The following DOP1A variants were observed in gnomAD, a reference collection of about 807,000 sequenced individuals.
The protein encoded by DOP1A is DOP1 leucine zipper like protein A.
Under a neutral mutation model 267.6 loss-of-function variants are expected in DOP1A, and 90 were observed. The ratio of observed to expected loss-of-function variants is 0.34; its 90% CI spans 0.28 to 0.40. The LOEUF is 0.40. DOP1A is among the 10% of genes least tolerant of loss of function. The pLI, the probability that DOP1A is intolerant of heterozygous loss-of-function variation, is 1.00. For missense variants in DOP1A, 2,437 were observed against 2,900.4 expected (o/e 0.84, Z 3.67); for synonymous variants, 932 against 999.1 (o/e 0.93, Z 1.27).
intron 38 of DOP1A, chr6:83,167,311 T>A (rs1297819788): frequency 3.0e-6 from 3 of 985,480 alleles, no homozygotes; most frequent in Non-Finnish European, 3.6e-6. Flanking sequence ...GACAGCAGTG[T>A]CTCCTGAGGG....
intron 23 of DOP1A, among the ~76,000 whole-genome samples, 160 bp from the exon 24 acceptor site, chr6:83,141,759 CAT>C (rs924588261): frequency 6.6e-6 from 1 of 152,048 alleles, no homozygotes; most frequent in African/African-American, 2.4e-5. Flanking sequence ...GAATTATAGT[CAT>C]ATTGTAGCTC....
At position 83,168,216 on chromosome 6, in the gene DOP1A, A is replaced by AAC. The variant is rs755985334; in HGVS notation, c.*58_*59dup. 1.5e-5 allele frequency: 23 copies of AAC among 1,563,082 alleles called. No individual in the cohort carries two copies. Among genetic ancestry groups the AAC allele is most frequent in the Non-Finnish European group, 1.9e-5 (22 of 1,159,922 alleles). The stretch of plus-strand genomic sequence containing the variant: ...CTTACATGTAAATGTAATTATTTAA[A>AAC]ACACACACACTGCTCTGCGTTGTAT... On this transcript the variant is annotated 3_prime_UTR_variant, in exon 39 of 39. Transcript: ENST00000349129.
rs751128571 is a variant in DOP1A, at chr6:83,138,375, C to T, written c.4333C>T (p.His1445Tyr). ...FYSHIPVDSN[H>Y]NFRSSMYIEI... The stretch of plus-strand genomic sequence containing the variant: ...TAGTCACATTCCAGTGGACTCAAAT[C>T]ATAACTTCCGGAGTTCTATGTACAT... The change falls in exon 21 of 39, where the codon CAT becomes TAT. Residue 1445 changes from histidine to tyrosine, a missense_variant. Transcript: ENST00000349129. The T allele has an allele frequency of 1.2e-5, 19 of 1,610,850 alleles. No individual in the cohort carries two copies. The highest frequency in any genetic ancestry group is 1.6e-5 in the Non-Finnish European group (19 of 1,179,920).
At chr6:83,153,435 C>T (rs1782125169) in intron 30 of DOP1A, 76 bp from the exon 31 acceptor site, 1 of 894,378 alleles carries the variant, frequency 1.1e-6, no homozygotes, top group Admixed American at 2.8e-5. Flanking sequence ...GGTTTTCTAA[C>T]AAACTGAAAA....
chr6:83,152,336 A>G lies in DOP1A; in HGVS notation c.6098A>G (p.Tyr2033Cys), dbSNP rs767349458. 3 of 1,560,592 alleles carry G rather than the reference A, an allele frequency of 1.9e-6. No homozygotes were observed. Among genetic ancestry groups the G allele is most frequent in the Middle Eastern group, 1.7e-4 (1 of 5,938 alleles). The change falls in exon 30 of 39, where the codon TAT becomes TGT. Residue 2033 changes from tyrosine to cysteine, a missense_variant. Coordinates refer to ENST00000349129, the MANE Select transcript of DOP1A (RefSeq NM_015018.4). ...ACCGCAAACATAACTCCTTCTGTAT[A>G]TAGTGTCCATGCATTGACATTACTC... ...METANITPSV[Y>C]SVHALTLLSE...
intron 38 of DOP1A, chr6:83,166,673 T>C (rs948487532): frequency 1.6e-6 from 2 of 1,269,664 alleles, no homozygotes; most frequent in African/African-American, 3.1e-5. Flanking sequence ...CAATTACGTT[T>C]GCACCAACCT....
At chr6:83,079,951 ATCATTATTC>A in intron 1 of DOP1A, among the ~76,000 whole-genome samples, 1 of 152,260 alleles carries the variant, frequency 6.6e-6, no homozygotes, top group East Asian at 1.9e-4. Flanking sequence ...ATTCATTTTT[ATCATTATTC>A]TCATGTCTTA....
rs985269079 is a variant in DOP1A at position 83,129,020 on chromosome 6, G to C, written c.1853G>C (p.Arg618Thr). The change falls in exon 16 of 39, where the codon AGA becomes ACA. Residue 618 changes from arginine to threonine, a missense_variant. Transcript: ENST00000349129. Reference sequence around the variant, plus strand: ...GCAGACCGAACTGATGATATTGACAGAGAACTGAGTGAGGGCCAGGGGGCA... The same window carrying C: ...GCAGACCGAACTGATGATATTGACACAGAACTGAGTGAGGGCCAGGGGGCA... ...YQADRTDDIDRELSEGQGAAA... is the reference protein window; with the variant it reads ...YQADRTDDIDTELSEGQGAAA... 3 of 1,613,738 alleles carry C rather than the reference G, an allele frequency of 1.9e-6. No homozygotes were observed. The African/African-American group carries it at 4.0e-5, about 22-fold the overall frequency.
intron 18 of DOP1A, 38 bp downstream of exon 18, chr6:83,132,366 C>A: frequency 3.0e-6 from 3 of 999,970 alleles, no homozygotes; most frequent in Non-Finnish European, 4.0e-6. Flanking sequence ...CCCCCTCCGC[C>A]ACACACACAC....
chr6:83,085,772 C>G lies in DOP1A; in HGVS notation c.-146-10959C>G, dbSNP rs564304528. ...AGGAAAACCATTGATGGGTTTTTTG[C>G]GGTATTTTATGTTATGTTATGTTAT... On this transcript the variant is annotated intron_variant, in intron 1 of 38. Transcript: ENST00000349129. Among the ~76,000 whole-genome samples the G allele has an allele frequency of 6.6e-5, 9 of 135,896 alleles. No individual in the cohort carries two copies. In the South Asian group the frequency reaches 2.1e-3, roughly 32 times the overall value. 89.2% of individuals were successfully genotyped at this position (135,896 alleles called of 152,430 possible).
intron 1 of DOP1A, among the ~76,000 whole-genome samples, chr6:83,091,558 T>C (rs1770405933): frequency 6.6e-6 from 1 of 152,210 alleles, no homozygotes; most frequent in Non-Finnish European, 1.5e-5. Context: ...ACAAGAGTTA[T>C]AAGCCTTACA....
In DOP1A at chr6:83,142,057, A is replaced by G; in HGVS notation, c.5541+11A>G. 1 of 1,608,414 alleles carries G rather than the reference A, an allele frequency of 6.2e-7. No homozygotes were observed. The highest frequency in any genetic ancestry group is 1.7e-4 in the Middle Eastern group (1 of 6,042). On this transcript the variant is annotated intron_variant, in intron 24 of 38. Transcript: ENST00000349129. Reference sequence around the variant, plus strand: ...ACCACCAGGACCAAGGTATGTATTTAGACATTTGGCACTTTTTGTTTTTGC... The same window carrying G: ...ACCACCAGGACCAAGGTATGTATTTGGACATTTGGCACTTTTTGTTTTTGC...
intron 23 of DOP1A, 128 bp from the exon 24 acceptor site, chr6:83,141,793 C>G: frequency 1.2e-6 from 1 of 835,884 alleles, no homozygotes; most frequent in East Asian, 3.1e-5. Flanking sequence ...AAAGTTTCCT[C>G]TAGTGTTATT....
chr6:83,137,442 C>G lies in DOP1A; in HGVS notation c.3400C>G (p.Gln1134Glu), dbSNP rs1326599316. 6.2e-7 allele frequency: 1 copy of G among 1,613,652 alleles called. No homozygotes were observed. The highest frequency in any genetic ancestry group is 2.2e-5 in the East Asian group (1 of 44,846). The change falls in exon 21 of 39, where the codon CAA (glutamine) becomes GAA (glutamate). Residue 1134 changes from glutamine (Q) to glutamate (E), a missense_variant. Around this residue, in one of 9 missense-constraint regions of DOP1A, gnomAD observed 878 missense variants for 992.9 expected, o/e 0.88. Transcript: ENST00000349129. Reference sequence around the variant, plus strand: ...AGTTGATCCTGAAACCGTGAATGCCCAAGAGGATTCTCAAATGCCCAAGGA... The same window carrying G: ...AGTTGATCCTGAAACCGTGAATGCCGAAGAGGATTCTCAAATGCCCAAGGA... Reference protein sequence around the residue: ...YEVDPETVNAQEDSQMPKESS... With the variant: ...YEVDPETVNAEEDSQMPKESS...
downstream of DOP1A, chr6:83,168,597 T>C: frequency 1.0e-6 from 1 of 997,234 alleles, no homozygotes. Context: ...TTATAATTAG[T>C]TTTTCTCCCA....
In DOP1A at chr6:83,074,434, A is replaced by G. The variant is rs192308751; in HGVS notation, c.-147+6655A>G. ...ATGGGGCATAATTCACATGATTTTA[A>G]AAGTATAAGTATACAGATAGTCCCC... On this transcript the variant is annotated intron_variant, in intron 1 of 38. Coordinates refer to ENST00000349129, the MANE Select transcript of DOP1A (RefSeq NM_015018.4). 4.6e-5 allele frequency among the ~76,000 whole-genome samples: 7 copies of G among 152,296 alleles called. No individual in the cohort carries two copies. The East Asian group carries it at 1.2e-3, about 25-fold the overall frequency.
chr6:83,090,140 C>T (rs1464123464), intron 1 of DOP1A, among the ~76,000 whole-genome samples: 2 of 152,070 alleles, frequency 1.3e-5, no homozygotes, highest in East Asian at 1.9e-4. Context: ...GAAATAATGA[C>T]GACAACTGTT....
At chr6:83,167,547 G>T in intron 38 of DOP1A, 1 of 1,042,522 alleles carries the variant, frequency 9.6e-7, no homozygotes, top group Non-Finnish European at 1.2e-6. Flanking sequence ...GGAGCTTTTT[G>T]AGTAAATACA....
At chr6:83,094,906 T>G (rs1202420584) in intron 1 of DOP1A, among the ~76,000 whole-genome samples, 1 of 152,140 alleles carries the variant, frequency 6.6e-6, no homozygotes, top group Non-Finnish European at 1.5e-5. Context: ...CTTTTGTTGC[T>G]TGTGTTTTTG....
Sources: gnomAD v4.1 joint callset for allele counts (sites outside exome capture counted in the v4.1 genomes callset) on GRCh38, gnomAD v4.1.1 for gene constraint, gnomAD v4.1.1 regional missense constraint, MANE v1.5 for transcripts, NCBI Gene and HGNC (gene_info 2026-07-23, HGNC 2026-07-21) for gene names.